FRMPD4: variants seen among roughly 807,000 people sequenced by gnomAD.
FRMPD4 encodes FERM and PDZ domain containing 4, also known as FERM and PDZ domain-containing protein 4.
Under a neutral mutation model 94.1 loss-of-function variants are expected in FRMPD4, and 22 were observed. The observed-to-expected ratio is 0.23, with a 90% CI of 0.17 to 0.33. The LOEUF is 0.33. Among genes scored for constraint, FRMPD4 ranks in the 10% least tolerant of loss-of-function variants. FRMPD4 has a pLI of 1.00. For synonymous variants in FRMPD4, 631 were observed against 548.6 expected (o/e 1.15, Z -2.10); for missense variants, 1,111 against 1,339.9 (o/e 0.83, Z 2.67).
intron 4 of FRMPD4, among the ~76,000 whole-genome samples, chrX:12,624,722 G>A (rs1379630835): frequency 1.8e-5 from 2 of 111,250 alleles, no homozygotes; most frequent in East Asian, 2.8e-4. Context: ...AATAGGAATC[G>A]CAGAAGGAGA....
intron 4 of FRMPD4, among the ~76,000 whole-genome samples, chrX:12,654,638 G>A (rs1451987157): frequency 3.6e-5 from 4 of 111,438 alleles, no homozygotes; most frequent in African/African-American, 9.8e-5. Flanking sequence ...ATAGCTGTAG[G>A]GCTTTAGACA....
intron 3 of FRMPD4, among the ~76,000 whole-genome samples, chrX:11,920,891 A>G (rs1056866585): frequency 2.7e-5 from 3 of 111,726 alleles, no homozygotes; most frequent in South Asian, 3.8e-4. Flanking sequence ...TACCTTCAGT[A>G]TCCCCCAAAG....
intron 2 of FRMPD4, among the ~76,000 whole-genome samples, chrX:11,871,960 T>C (rs1369641766): frequency 2.7e-5 from 3 of 112,197 alleles, no homozygotes; most frequent in Admixed American, 9.5e-5. Context: ...CTATCCCTAC[T>C]GCCTAGCACA....
At position 12,381,513 on chromosome X, in the gene FRMPD4, G is replaced by GT. The variant is rs758743097; in HGVS notation, c.42-117159dup. ...GTTATTCTCTTTACTTTATTAAAGT[G>GT]TTTTTTTTGGGGAAGAAATTGTATC... On this transcript the variant is annotated intron_variant, in intron 1 of 16. Coordinates refer to ENST00000675598, the MANE Select transcript of FRMPD4 (RefSeq NM_001368397.1). Among the ~76,000 whole-genome samples, 26 of 111,226 alleles carry GT rather than the reference G, an allele frequency of 2.3e-4. 1 individual carries two copies. The East Asian group carries it at 3.1e-3, about 13-fold the overall frequency.
chrX:12,351,152 C>T (rs950647535), intron 1 of FRMPD4, among the ~76,000 whole-genome samples: 1 of 93,103 alleles, frequency 1.1e-5, no homozygotes, highest in Non-Finnish European at 2.1e-5. Context: ...AGCCTGGTGA[C>T]AGAGTGAGAC....
At chrX:12,241,046 A>G (rs2057123553) in intron 1 of FRMPD4, among the ~76,000 whole-genome samples, 2 of 112,270 alleles carry the variant, frequency 1.8e-5, no homozygotes, top group African/African-American at 6.5e-5. Context: ...TACTAAAGGG[A>G]GGCCCTTCAT....
At chrX:12,411,228 C>T (rs760918253) in intron 1 of FRMPD4, among the ~76,000 whole-genome samples, 10 of 112,047 alleles carry the variant, frequency 8.9e-5, no homozygotes, top group African/African-American at 1.3e-4. Flanking sequence ...AGATAAGCCA[C>T]GCTTTTGTAA....
chrX:12,269,664 A>G (rs908219609), intron 1 of FRMPD4, among the ~76,000 whole-genome samples: 12 of 112,150 alleles, frequency 1.1e-4, no homozygotes, highest in Admixed American at 9.4e-5. Flanking sequence ...CTGAAGTGGG[A>G]GGAGCACTAC....
rs185598561 is a variant in FRMPD4 at position 12,527,077 on chromosome X, T to C, written c.158+28281T>C. On this transcript the variant is annotated intron_variant, in intron 2 of 16. Transcript: ENST00000675598. ...ATAACCAAATCAAATTATGGAAAGC[T>C]GGAAAAAAAATAAGCAATTCCTAAA... Among the ~76,000 whole-genome samples the C allele has an allele frequency of 2.8e-4, 31 of 112,283 alleles. No homozygotes were observed. The East Asian group carries it at 8.6e-3, about 31-fold the overall frequency.
intron 3 of FRMPD4, among the ~76,000 whole-genome samples, chrX:11,914,424 G>A (rs1157919433): frequency 9.2e-6 from 1 of 108,956 alleles, no homozygotes; most frequent in African/African-American, 3.4e-5. Context: ...TGAGCAGCAA[G>A]AAGGGACCAT....
chrX:12,701,763 C>A, intron 9 of FRMPD4, 111 bp from the exon 10 acceptor site: 2 of 812,771 alleles, frequency 2.5e-6, no homozygotes, highest in Non-Finnish European at 3.6e-6. Flanking sequence ...AGCCTCCTTG[C>A]CTGGGAAGTG....
rs186023357 is a variant in FRMPD4 at position 12,047,463 on chromosome X, G to A, written c.95+169445G>A. ...AAGAAATCCAAAAAAATTAAAGAGC[G>A]TATATGTGTGTGTACATACCAATTT... On this transcript the variant is annotated intron_variant, in intron 3 of 18. Transcript: ENST00000640291. 6.8e-4 allele frequency among the ~76,000 whole-genome samples: 76 copies of A among 111,432 alleles called. No individual in the cohort carries two copies. In the East Asian group the frequency reaches 0.014, roughly 21 times the overall value.
intron 1 of FRMPD4, among the ~76,000 whole-genome samples, chrX:12,346,827 A>C (rs930630357): frequency 9.8e-5 from 11 of 112,330 alleles, no homozygotes; most frequent in African/African-American, 2.9e-4. Flanking sequence ...AAGTCATCTT[A>C]AATCTTAAAA....
chrX:11,931,207 A>G (rs2054120652), intron 3 of FRMPD4, among the ~76,000 whole-genome samples: 1 of 112,311 alleles, frequency 8.9e-6, no homozygotes, highest in African/African-American at 3.2e-5. Flanking sequence ...GTGTCCCATC[A>G]GTGAGCCCCC....
intron 1 of FRMPD4, among the ~76,000 whole-genome samples, chrX:11,835,341 C>T (rs951840587): frequency 4.5e-5 from 5 of 112,184 alleles, no homozygotes; most frequent in African/African-American, 1.6e-4. Flanking sequence ...AGCTCAAACG[C>T]ATTTTTCTAC....
chrX:11,951,484 C>T (rs199644684), intron 3 of FRMPD4, among the ~76,000 whole-genome samples: 2 of 111,619 alleles, frequency 1.8e-5, no homozygotes, highest in Non-Finnish European at 3.8e-5. Context: ...AGCAAACTAA[C>T]GTGGGAACAG....
intron 1 of FRMPD4, among the ~76,000 whole-genome samples, chrX:12,279,329 C>T (rs990637000): frequency 1.1e-4 from 12 of 112,206 alleles, no homozygotes; most frequent in African/African-American, 3.6e-4. Context: ...CAACTCTCTT[C>T]TCTATCATCA....
At chrX:12,658,383 G>T (rs889454045) in intron 4 of FRMPD4, among the ~76,000 whole-genome samples, 1 of 111,899 alleles carries the variant, frequency 8.9e-6, no homozygotes. Context: ...CATGCATAGA[G>T]GCAGGAAAGA....
chrX:12,492,520 A>G (rs1271415677), intron 1 of FRMPD4, among the ~76,000 whole-genome samples: 1 of 112,212 alleles, frequency 8.9e-6, no homozygotes, highest in African/African-American at 3.2e-5. Context: ...TTAATAATAC[A>G]TTTCTTCTTG....
Sources: allele counts gnomAD v4.1 joint callset (sites outside exome capture counted in the v4.1 genomes callset), GRCh38; gene constraint gnomAD v4.1.1; transcripts MANE v1.5; gene names NCBI Gene and HGNC (gene_info 2026-07-23, HGNC 2026-07-21).